The following KBTBD12 variants were observed in gnomAD, a reference collection of about 807,000 sequenced individuals.
KBTBD12 encodes kelch repeat and BTB domain containing 12.
In KBTBD12, 53 loss-of-function variants were observed where a neutral mutation model predicts 58.7. The ratio of observed to expected loss-of-function variants is 0.90; its 90% CI spans 0.72 to 1.14. KBTBD12 has a LOEUF of 1.14. Among genes scored for constraint, KBTBD12 ranks in the 50% most tolerant of loss-of-function variants. The pLI is 0.00. For synonymous variants in KBTBD12, 236 were observed against 259.8 expected (o/e 0.91, Z 0.88); for missense variants, 704 against 751.3 (o/e 0.94, Z 0.74).
In KBTBD12 at chr3:127,987,387, A is replaced by G. The variant is rs1940988856; in HGVS notation, c.*3109A>G. The G allele has an allele frequency of 6.6e-6, 1 of 151,756 alleles. No individual in the cohort carries two copies. The highest frequency in any genetic ancestry group is 2.1e-4 in the South Asian group (1 of 4,806). The allele number at this position is 151,756 out of a possible 1,614,324, so 9.4% of individuals were successfully genotyped here. On this transcript the variant is annotated 3_prime_UTR_variant, in exon 6 of 6. Transcript: ENST00000405109. ...TTCAACTTCGAAATATATTCCTATC[A>G]CTCCTGTTTTCACTTTAATAGAAGG...
chr3:127,942,377 T>C (rs1559766100), intron 4 of KBTBD12, among the ~76,000 whole-genome samples: 1 of 152,148 alleles, frequency 6.6e-6, no homozygotes, highest in Non-Finnish European at 1.5e-5. Context: ...TATGGATCTT[T>C]AGACTTATTC....
At chr3:127,946,166 T>C (rs2107601690) in intron 4 of KBTBD12, among the ~76,000 whole-genome samples, 1 of 152,322 alleles carries the variant, frequency 6.6e-6, no homozygotes, top group Middle Eastern at 3.4e-3. Flanking sequence ...TATATTGTGG[T>C]TGTGGTTCTT....
intron 4 of KBTBD12, among the ~76,000 whole-genome samples, chr3:127,953,516 C>T (rs143955310): frequency 9.3e-4 from 142 of 152,290 alleles, no homozygotes; most frequent in Non-Finnish European, 1.8e-3. Flanking sequence ...ATTGTATTAC[C>T]GGACATTGTG....
At position 127,963,219 on chromosome 3, in the gene KBTBD12, G is replaced by T. The variant is rs1940481747; in HGVS notation, c.1523G>T (p.Gly508Val). Residue 508 changes from glycine (G) to valine (V), a missense_variant, in exon 5 of 6, where the codon GGC becomes GTC. Coordinates refer to ENST00000405109, the MANE Select transcript of KBTBD12 (RefSeq NM_207335.4). Reference protein sequence around the residue: ...GGIGCVGQDKGQVRKCLDVVE... With the variant: ...GGIGCVGQDKVQVRKCLDVVE... ...ATTGGCTGTGTAGGTCAAGACAAGG[G>T]CCAGGTTCGAAAATGCCTTGACGTG... 1 of 1,611,622 alleles carries T rather than the reference G, an allele frequency of 6.2e-7. No individual in the cohort carries two copies. Among genetic ancestry groups the T allele is most frequent in the African/African-American group, 1.3e-5 (1 of 74,916 alleles).
chr3:127,944,086 G>A (rs1244498752), intron 4 of KBTBD12, among the ~76,000 whole-genome samples: 1 of 152,024 alleles, frequency 6.6e-6, no homozygotes, highest in Non-Finnish European at 1.5e-5. Flanking sequence ...GATCACTATA[G>A]CTTTGTAATA....
At chr3:127,959,436 C>A (rs1319385009) in intron 4 of KBTBD12, among the ~76,000 whole-genome samples, 1 of 152,230 alleles carries the variant, frequency 6.6e-6, no homozygotes, top group African/African-American at 2.4e-5. Context: ...TCTCTCTATC[C>A]AACCCCGGAA....
chr3:127,951,679 C>A (rs958373591), intron 4 of KBTBD12, among the ~76,000 whole-genome samples: 1 of 152,144 alleles, frequency 6.6e-6, no homozygotes, highest in Non-Finnish European at 1.5e-5. Context: ...CATCTTCAAG[C>A]AGCAAGACAG....
At chr3:127,919,635 G>A (rs1168784083) in intron 1 of KBTBD12, among the ~76,000 whole-genome samples, 1 of 152,110 alleles carries the variant, frequency 6.6e-6, no homozygotes, top group African/African-American at 2.4e-5. Context: ...GTGGAGGGAG[G>A]GCTATAACCA....
rs771282071 is a variant in KBTBD12, at chr3:127,923,851, T to C, written c.790T>C (p.Ser264Pro). ...AGCCATCAAGACACCCCAACAGCAC[T>C]CTCTAAATCTGCGCTATGGTATGGA... ...FKAIKTPQQH[S>P]LNLRYGMETT... The change falls in exon 2 of 6, where the codon TCT becomes CCT. Residue 264 changes from serine (S) to proline (P), a missense_variant. By Grantham distance (74) the Ser-to-Pro change is moderately conservative. Transcript: ENST00000405109. 1 of 1,613,914 alleles carries C rather than the reference T, an allele frequency of 6.2e-7. No individual in the cohort carries two copies. Among genetic ancestry groups the C allele is most frequent in the Non-Finnish European group, 8.5e-7 (1 of 1,179,850 alleles).
Position 127,963,286 on chromosome 3 carries a change from C to T in KBTBD12, c.1590C>T (p.Gly530=). 6.2e-7 allele frequency: 1 copy of T among 1,611,606 alleles called. No homozygotes were observed. ...CAGATGGGGACTTTTGGCGAGAGGG[C>T]CCTCCCATGCCAAGTCCCCTCCTCT... The part of the protein sequence containing the change: ...YNPDGDFWRE[G]PPMPSPLLSL... The change falls in exon 5 of 6, where the codon GGC becomes GGT. Residue 530 remains glycine, a synonymous_variant. Transcript: ENST00000405109.
At chr3:127,931,617 G>T (rs1939703064) in intron 4 of KBTBD12, among the ~76,000 whole-genome samples, 1 of 152,146 alleles carries the variant, frequency 6.6e-6, no homozygotes, top group African/African-American at 2.4e-5. Flanking sequence ...GAGGCTAGAT[G>T]TGGAATTTAA....
intron 5 of KBTBD12, among the ~76,000 whole-genome samples, chr3:127,967,169 A>C (rs1940590865): frequency 1.3e-5 from 2 of 152,206 alleles, no homozygotes; most frequent in African/African-American, 4.8e-5. Context: ...AAAGGAAATC[A>C]GTGGAGGATA....
At chr3:127,984,029 T>C (rs927872700) in intron 5 of KBTBD12, 68 bp from the exon 6 acceptor site, 7 of 1,261,280 alleles carry the variant, frequency 5.5e-6, no homozygotes, top group African/African-American at 1.5e-5. Flanking sequence ...TTACTCAGTA[T>C]GGTGCTGATG....
At chr3:127,973,097 T>G (rs1230432073) in intron 5 of KBTBD12, among the ~76,000 whole-genome samples, 1 of 152,214 alleles carries the variant, frequency 6.6e-6, no homozygotes, top group Non-Finnish European at 1.5e-5. Context: ...TCATTAATAA[T>G]GATATAATTT....
chr3:127,983,995 T>TAA (rs750790803), intron 5 of KBTBD12, 102 bp from the exon 6 acceptor site: 15 of 874,722 alleles, frequency 1.7e-5, no homozygotes, highest in Non-Finnish European at 2.6e-5. Flanking sequence ...GCAAGTGGAC[T>TAA]AAGACATTGC....
chr3:127,971,514 A>C (rs1460051964), intron 5 of KBTBD12, among the ~76,000 whole-genome samples: 1 of 152,128 alleles, frequency 6.6e-6, no homozygotes, highest in African/African-American at 2.4e-5. Context: ...TATTCTTGCC[A>C]GGCTCTGGTT....
rs181299797 is a variant in KBTBD12 at position 127,955,295 on chromosome 3, G to T, written c.1493-7894G>T. ...TGTTTTCTCCAGGAAACCATTTTGT[G>T]CCTCATTGGTTTACTGAAAACATAA... On this transcript the variant is annotated intron_variant, in intron 4 of 5. Transcript: ENST00000405109. Among the ~76,000 whole-genome samples the T allele has an allele frequency of 3.9e-4, 60 of 152,238 alleles. 1 individual carries two copies. The highest frequency in any genetic ancestry group is 2.4e-3 in the Admixed American group (36 of 15,286).
chr3:127,944,743 A>G (rs114694481), intron 4 of KBTBD12, among the ~76,000 whole-genome samples: 2,873 of 152,280 alleles, frequency 0.019, 37 homozygotes, highest in Middle Eastern at 0.085. Flanking sequence ...TTGCATTGTA[A>G]TAAATCTTAA....
intron 4 of KBTBD12, among the ~76,000 whole-genome samples, chr3:127,958,824 G>A (rs576460155): frequency 6.6e-6 from 1 of 152,254 alleles, no homozygotes; most frequent in East Asian, 1.9e-4. Context: ...AGAAAAAGCT[G>A]GTCAAGGGCT....
Sources: allele counts gnomAD v4.1 joint callset (sites outside exome capture counted in the v4.1 genomes callset), GRCh38; gene constraint gnomAD v4.1.1; transcripts MANE v1.5; gene names NCBI Gene and HGNC (gene_info 2026-07-23, HGNC 2026-07-21).